The following PDE11A variants were observed in gnomAD, a reference collection of about 807,000 sequenced individuals.
PDE11A encodes phosphodiesterase 11A.
In PDE11A, 100 loss-of-function variants were observed where a neutral mutation model predicts 100.5. The ratio of observed to expected loss-of-function variants is 1.00; its 90% CI spans 0.85 to 1.18. PDE11A has a LOEUF of 1.18. Ranked by LOEUF, PDE11A falls within the 50% of genes most tolerant of loss-of-function variation. The pLI is 0.00. For synonymous variants in PDE11A, 381 were observed against 420.8 expected (o/e 0.91, Z 1.16); for missense variants, 1,141 against 1,152.6 (o/e 0.99, Z 0.15).
chr2:177,759,406 A>G (rs2082139997), intron 10 of PDE11A, among the ~76,000 whole-genome samples: 1 of 152,206 alleles, frequency 6.6e-6, no homozygotes, highest in Non-Finnish European at 1.5e-5. Context: ...TCTTCACTTC[A>G]TATTCCCCCA....
chr2:178,012,161 A>G (rs1349349940), intron 2 of PDE11A, among the ~76,000 whole-genome samples: 1 of 152,198 alleles, frequency 6.6e-6, no homozygotes. Flanking sequence ...TACAAGAAGC[A>G]AAACTAGAGT....
chr2:178,097,063 T>A (rs1486144949), intron 2 of PDE11A, among the ~76,000 whole-genome samples: 1 of 152,156 alleles, frequency 6.6e-6, no homozygotes, highest in Admixed American at 6.5e-5. Flanking sequence ...ATTTTTTGTA[T>A]TTTTAGTAGA....
intron 2 of PDE11A, chr2:178,104,246 T>C (rs770810036): frequency 1.8e-5 from 27 of 1,494,126 alleles, no homozygotes; most frequent in Non-Finnish European, 2.4e-5. Context: ...CCAAATCATA[T>C]GCTTTATTCT....
intron 1 of PDE11A, chr2:178,018,610 T>C (rs2086369573): frequency 3.1e-6 from 1 of 318,650 alleles, no homozygotes; most frequent in Admixed American, 3.9e-5. Flanking sequence ...TTTGGTGCAA[T>C]CATAGCTCAC....
At chr2:177,880,533 G>C (rs1176889445) in intron 4 of PDE11A, among the ~76,000 whole-genome samples, 1 of 152,180 alleles carries the variant, frequency 6.6e-6, no homozygotes, top group African/African-American at 2.4e-5. Context: ...ATGTTAATCT[G>C]TATGATTTCC....
intron 19 of PDE11A, among the ~76,000 whole-genome samples, chr2:177,654,531 AG>A (rs888044070): frequency 4.6e-5 from 7 of 151,870 alleles, no homozygotes; most frequent in East Asian, 1.9e-4. Flanking sequence ...AAAGAAAGAA[AG>A]AAAAAAGGAC....
intron 5 of PDE11A, among the ~76,000 whole-genome samples, chr2:177,862,496 C>A (rs147903562): frequency 6.6e-6 from 1 of 151,770 alleles, no homozygotes; most frequent in Non-Finnish European, 1.5e-5. Flanking sequence ...AGTAAAATTG[C>A]AGGATACAAA....
chr2:178,017,771 C>T (rs923613975), intron 1 of PDE11A, among the ~76,000 whole-genome samples: 2 of 151,958 alleles, frequency 1.3e-5, no homozygotes, highest in East Asian at 1.9e-4. Context: ...CCAGCCTGGC[C>T]AGCATGGTGA....
intron 2 of PDE11A, among the ~76,000 whole-genome samples, chr2:177,934,528 C>A (rs928641287): frequency 6.6e-6 from 1 of 152,226 alleles, no homozygotes; most frequent in African/African-American, 2.4e-5. Flanking sequence ...TGCTCATACA[C>A]TGCTGGTGGG....
chr2:177,631,553 G>GTATA lies in PDE11A; in HGVS notation c.2647-1995_2647-1992dup, dbSNP rs1326867287. Among the ~76,000 whole-genome samples, 4 of 19,696 alleles carry GTATA rather than the reference G, an allele frequency of 2.0e-4. 1 individual carries two copies. The highest frequency in any genetic ancestry group is 2.9e-4 in the African/African-American group (2 of 6,986). 12.9% of individuals were successfully genotyped at this position (19,696 alleles called of 152,430 possible). On this transcript the variant is annotated intron_variant, in intron 19 of 19. Transcript: ENST00000286063. ...TATATATATATATATATATACACAT[G>GTATA]TATATATATATATATACATGTATAT...
chr2:177,928,423 A>C (rs2085160356), intron 2 of PDE11A, among the ~76,000 whole-genome samples: 1 of 152,200 alleles, frequency 6.6e-6, no homozygotes, highest in South Asian at 2.1e-4. Flanking sequence ...ACTTGAGCCC[A>C]GGTGTTCAAA....
chr2:177,823,355 C>T (rs2083173827), intron 6 of PDE11A, among the ~76,000 whole-genome samples: 1 of 152,120 alleles, frequency 6.6e-6, no homozygotes, highest in Non-Finnish European at 1.5e-5. Flanking sequence ...GACAACAATT[C>T]ACTCTGTTTA....
intron 10 of PDE11A, among the ~76,000 whole-genome samples, chr2:177,730,325 T>C (rs1037472474): frequency 6.6e-6 from 1 of 152,116 alleles, no homozygotes; most frequent in Non-Finnish European, 1.5e-5. Context: ...GAACATGCGG[T>C]GTTTGGTTGT....
chr2:177,645,464 G>A (rs2080210267), intron 19 of PDE11A, among the ~76,000 whole-genome samples: 1 of 152,192 alleles, frequency 6.6e-6, no homozygotes, highest in South Asian at 2.1e-4. Flanking sequence ...CCAAAGTGCT[G>A]GGATTACAGG....
chr2:177,808,649 G>A (rs1445309088), intron 9 of PDE11A, among the ~76,000 whole-genome samples: 2 of 152,112 alleles, frequency 1.3e-5, no homozygotes, highest in Admixed American at 6.6e-5. Context: ...AACCTAATAT[G>A]TATTTGCCCA....
intron 1 of PDE11A, chr2:178,018,286 C>A: frequency 2.5e-6 from 1 of 403,920 alleles, no homozygotes; most frequent in Admixed American, 2.8e-5. Flanking sequence ...AGCCCTCACT[C>A]TCCTTAGTCA....
rs1304639102 is a variant in PDE11A at position 178,068,233 on chromosome 2, T to G, written c.912+3293A>C. 1.0e-3 allele frequency among the ~76,000 whole-genome samples: 152 copies of G among 149,526 alleles called. 1 individual carries two copies. Among genetic ancestry groups the G allele is most frequent in the Admixed American group, 7.9e-3 (119 of 15,064 alleles). On this transcript the variant is annotated intron_variant, in intron 1 of 19. Transcript: ENST00000286063. ...GGACTGGATACCTAAAAATGAATGT[T>G]TTTTTTTTTTCCATTTACGATTTAT...
chr2:177,973,285 G>A (rs1374529245), intron 2 of PDE11A, among the ~76,000 whole-genome samples: 4 of 124,134 alleles, frequency 3.2e-5, no homozygotes, highest in African/African-American at 9.6e-5. Context: ...GAAGCGCAAG[G>A]GGTCAGGGAG....
chr2:177,994,542 G>A (rs1012131486), intron 2 of PDE11A, among the ~76,000 whole-genome samples: 1 of 152,292 alleles, frequency 6.6e-6, no homozygotes, highest in African/African-American at 2.4e-5. Flanking sequence ...TGTACTTCTA[G>A]CACAAATAGA....
Sources: allele counts gnomAD v4.1 joint callset (sites outside exome capture counted in the v4.1 genomes callset), GRCh38; gene constraint gnomAD v4.1.1; transcripts MANE v1.5; gene names NCBI Gene and HGNC (gene_info 2026-07-23, HGNC 2026-07-21).